Variants in ARHGAP42 observed in about 807,000 individuals in gnomAD.
The protein encoded by ARHGAP42 is rho GTPase-activating protein 42.
A neutral mutation model predicts 125.0 loss-of-function variants in ARHGAP42; 63 were observed. The ratio of observed to expected loss-of-function variants is 0.50; its 90% CI spans 0.41 to 0.62. The LOEUF is 0.62. Among genes scored for constraint, ARHGAP42 ranks in the 20% least tolerant of loss-of-function variants. The probability of loss-of-function intolerance (pLI) is 0.00; values close to 1 mark genes in which losing one functional copy is unlikely to be tolerated. For synonymous variants in ARHGAP42, 339 were observed against 351.0 expected (o/e 0.97, Z 0.38); for missense variants, 766 against 1,024.2 (o/e 0.75, Z 3.44).
intron 3 of ARHGAP42, among the ~76,000 whole-genome samples, chr11:100,843,909 AAAT>A (rs1291720230): frequency 2.0e-5 from 3 of 152,142 alleles, no homozygotes; most frequent in Non-Finnish European, 4.4e-5. Flanking sequence ...ATTCCCATCA[AAAT>A]ATCACCATCA....
intron 2 of ARHGAP42, among the ~76,000 whole-genome samples, chr11:100,783,462 A>G (rs1048904458): frequency 6.6e-6 from 1 of 152,112 alleles, no homozygotes; most frequent in African/African-American, 2.4e-5. Context: ...AAAAATCAAC[A>G]GTAGACTTGT....
intron 4 of ARHGAP42, among the ~76,000 whole-genome samples, chr11:100,895,391 T>C (rs559767943): frequency 6.6e-6 from 1 of 152,274 alleles, no homozygotes; most frequent in East Asian, 1.9e-4. Context: ...CCCATGTCTT[T>C]ATCCTGGGGA....
In ARHGAP42 at chr11:100,771,210, C is replaced by T. The variant is rs543220; in HGVS notation, c.250+772C>T. On this transcript the variant is annotated intron_variant, in intron 2 of 23. Transcript: ENST00000298815. ...AGACTTGAACCCTAATCTGACGTTG[C>T]CTCAGTAATTTGGCAATGTGTCCCT... Among the ~76,000 whole-genome samples the T allele has an allele frequency of 7.9e-3, 1,203 of 152,260 alleles. 15 individuals carry two copies. Among genetic ancestry groups the T allele is most frequent in the African/African-American group, 0.027 (1,133 of 41,546 alleles).
Position 100,960,068 on chromosome 11 carries a change from A to G in ARHGAP42, c.1225+123A>G, listed in dbSNP as rs145070006. On this transcript the variant is annotated intron_variant, in intron 13 of 23. Transcript: ENST00000298815. ...ATTAACATGGATTAATTTTAAGAGT[A>G]ATATAAATGTATGTATCGGTATACA... The G allele has an allele frequency of 3.4e-4, 284 of 829,384 alleles. No homozygotes were observed. In the East Asian group the frequency reaches 4.1e-3, roughly 12 times the overall value. 51.4% of individuals were successfully genotyped at this position (829,384 alleles called of 1,614,324 possible).
chr11:100,938,264 A>C (rs921697869), intron 8 of ARHGAP42, among the ~76,000 whole-genome samples: 4 of 151,714 alleles, frequency 2.6e-5, no homozygotes, highest in Non-Finnish European at 5.9e-5. Context: ...CTAACTGTTC[A>C]CCCTTTACCT....
chr11:100,758,199 G>A (rs1565558457), intron 1 of ARHGAP42, among the ~76,000 whole-genome samples: 1 of 152,050 alleles, frequency 6.6e-6, no homozygotes, highest in Non-Finnish European at 1.5e-5. Flanking sequence ...ATTGTACTTG[G>A]GAAAATTTTT....
At chr11:100,702,949 A>T (rs1861421665) in intron 1 of ARHGAP42, among the ~76,000 whole-genome samples, 1 of 103,746 alleles carries the variant, frequency 9.6e-6, no homozygotes, top group Non-Finnish European at 1.9e-5. Flanking sequence ...GGCATGAGCC[A>T]CTGTAATCCC....
intron 4 of ARHGAP42, among the ~76,000 whole-genome samples, chr11:100,865,683 C>T (rs1432163588): frequency 3.3e-5 from 5 of 152,196 alleles, no homozygotes; most frequent in African/African-American, 1.2e-4. Flanking sequence ...AAGTTATATT[C>T]ATACTATACA....
intron 1 of ARHGAP42, among the ~76,000 whole-genome samples, chr11:100,690,770 G>C (rs2120165348): frequency 6.6e-6 from 1 of 151,886 alleles, no homozygotes; most frequent in East Asian, 1.9e-4. Context: ...CTAATATTTT[G>C]TATTTTTTTT....
intron 2 of ARHGAP42, among the ~76,000 whole-genome samples, chr11:100,793,627 C>CTTAATGAGTTCTT (rs1863627906): frequency 6.6e-6 from 1 of 151,938 alleles, no homozygotes; most frequent in South Asian, 2.1e-4. Context: ...TTTTATCTTC[C>CTTAATGAGTTCTT]TTAATGAGTT....
At chr11:100,916,211 G>A (rs1407814538) in intron 5 of ARHGAP42, among the ~76,000 whole-genome samples, 1 of 152,192 alleles carries the variant, frequency 6.6e-6, no homozygotes, top group Non-Finnish European at 1.5e-5. Context: ...CTTTATAGTG[G>A]ATAGAAAGGA....
In ARHGAP42 at chr11:100,987,510, C is replaced by T; in HGVS notation, c.2457-3C>T. On this transcript the variant is annotated splice_polypyrimidine_tract_variant and splice_region_variant and intron_variant, in intron 22 of 23. Coordinates refer to ENST00000298815, the MANE Select transcript of ARHGAP42 (RefSeq NM_152432.4). ...GTTTTGACAAGTTGTCTTGCTCTTTCAGCCAAGCCAAAGCCATGTACTCCT... is the reference window on the plus strand; with the variant it reads ...GTTTTGACAAGTTGTCTTGCTCTTTTAGCCAAGCCAAAGCCATGTACTCCT... 6.4e-7 allele frequency: 1 copy of T among 1,551,614 alleles called. No homozygotes were observed. Among genetic ancestry groups the T allele is most frequent in the Non-Finnish European group, 8.7e-7 (1 of 1,146,752 alleles).
intron 22 of ARHGAP42, among the ~76,000 whole-genome samples, chr11:100,985,492 T>C (rs1024805455): frequency 6.6e-6 from 1 of 152,236 alleles, no homozygotes; most frequent in African/African-American, 2.4e-5. Context: ...ACTACCATAG[T>C]CTGATTCTTA....
chr11:100,741,536 C>G (rs1178453709), intron 1 of ARHGAP42, among the ~76,000 whole-genome samples: 1 of 152,194 alleles, frequency 6.6e-6, no homozygotes, highest in Admixed American at 6.5e-5. Context: ...TCTGCAGCCT[C>G]TAGTCCAGAT....
At chr11:100,875,113 G>C (rs1054705380) in intron 4 of ARHGAP42, among the ~76,000 whole-genome samples, 1,813 of 47,632 alleles carry the variant, frequency 0.038, 12 homozygotes, top group Middle Eastern at 0.053. Context: ...CTCTCTGTGT[G>C]TGTGTGTGTG....
intron 4 of ARHGAP42, among the ~76,000 whole-genome samples, chr11:100,877,979 T>A (rs1294366685): frequency 7.8e-6 from 1 of 128,582 alleles, no homozygotes; most frequent in Non-Finnish European, 1.6e-5. Flanking sequence ...CACTCCAGCC[T>A]GGGTGACGCA....
chr11:100,729,530 G>T lies in ARHGAP42; in HGVS notation c.155-40813G>T, dbSNP rs143349619. 1.3e-3 allele frequency among the ~76,000 whole-genome samples: 199 copies of T among 152,196 alleles called. 1 individual carries two copies. The highest frequency in any genetic ancestry group is 2.5e-3 in the East Asian group (13 of 5,178). ...GAAATTTATATTTCTAGTCTAAGAA[G>T]ATATTCTGCAATGCTTTGTCATAAC... On this transcript the variant is annotated intron_variant, in intron 1 of 23. Transcript: ENST00000298815.
chr11:100,817,855 A>G (rs1281856278), intron 3 of ARHGAP42, among the ~76,000 whole-genome samples: 4 of 152,172 alleles, frequency 2.6e-5, no homozygotes, highest in Non-Finnish European at 2.9e-5. Flanking sequence ...CCATACCCCA[A>G]AAATCCACAG....
chr11:100,879,313 A>AGT (rs1865901100), intron 4 of ARHGAP42, among the ~76,000 whole-genome samples: 1 of 152,142 alleles, frequency 6.6e-6, no homozygotes, highest in Admixed American at 6.5e-5. Context: ...TGGTTTTTGA[A>AGT]GTACTGAGTG....
Sources: gnomAD v4.1 joint callset for allele counts (sites outside exome capture counted in the v4.1 genomes callset) on GRCh38, gnomAD v4.1.1 for gene constraint, MANE v1.5 for transcripts, NCBI Gene and HGNC (gene_info 2026-07-23, HGNC 2026-07-21) for gene names.